AFF4: variants seen among roughly 807,000 people sequenced by gnomAD.
The protein encoded by AFF4 is AF4/FMR2 family member 4.
AFF4 carries 13 observed loss-of-function variants against 124.8 expected under a neutral mutation model. The observed-to-expected ratio is 0.10, with a 90% confidence interval of 0.07 to 0.17. AFF4 has a LOEUF of 0.17. Ranked by LOEUF, AFF4 falls within the 10% of genes least tolerant of loss-of-function variation. AFF4 has a pLI of 1.00. For missense variants in AFF4, 1,092 were observed against 1,403.8 expected (o/e 0.78, Z 3.55); for synonymous variants, 477 against 496.1 (o/e 0.96, Z 0.51).
Position 132,937,211 on chromosome 5 carries a change from A to C in AFF4, c.-4-18T>G, listed in dbSNP as rs750104867. 7 of 1,590,120 alleles carry C rather than the reference A, an allele frequency of 4.4e-6. No homozygotes were observed. Among genetic ancestry groups the C allele is most frequent in the Non-Finnish European group, 6.0e-6 (7 of 1,163,952 alleles). ...TCATGTTGCTATGAAAAGAAACACA[A>C]TCTTTGTATCACAGAAATAAAAGGA... On this transcript the variant is annotated intron_variant, in intron 1 of 20. Coordinates refer to ENST00000265343, the MANE Select transcript of AFF4 (RefSeq NM_014423.4).
At chr5:132,890,390 C>CCCAAAGTG (rs1300272283) in intron 13 of AFF4, among the ~76,000 whole-genome samples, 1 of 151,990 alleles carries the variant, frequency 6.6e-6, no homozygotes, top group African/African-American at 2.4e-5. Flanking sequence ...CAGCCAGCCT[C>CCCAAAGTG]CCAAAGTGTT....
At chr5:132,902,509 G>T (rs375809484) in intron 6 of AFF4, 22 bp from the exon 7 acceptor site, 1 of 1,582,300 alleles carries the variant, frequency 6.3e-7, no homozygotes, top group East Asian at 2.2e-5. Flanking sequence ...AGAATGAAGT[G>T]AGCAACTAAA....
chr5:132,892,193 T>C lies in AFF4; in HGVS notation c.2608A>G (p.Lys870Glu), dbSNP rs1760277557. ...STSKQKKTEG[K>E]TSSSSKEVKE... ...ACCTCCTTGGAGCTACTGGAAGTCT[T>C]CCCTTCGGTCTTCTTCTGCTTTGAT... is the stretch of plus-strand genomic sequence containing the variant. Residue 870 changes from lysine to glutamate, a missense_variant, in exon 13 of 21, where the codon AAG becomes GAG. Transcript: ENST00000265343. 6.2e-7 allele frequency: 1 copy of C among 1,614,020 alleles called. No homozygotes were observed. Among genetic ancestry groups the C allele is most frequent in the Non-Finnish European group, 8.5e-7 (1 of 1,180,028 alleles).
Position 132,881,789 on chromosome 5 carries a change from C to T in AFF4, c.3365-603G>A, listed in dbSNP as rs1467509997. ...GCAACCCTGGTCTCCTGGGTTCAAG[C>T]GATTCTGCTGCCTCAGCCAAATATA... On this transcript the variant is annotated intron_variant, in intron 20 of 20. Transcript: ENST00000265343. Among the ~76,000 whole-genome samples the T allele has an allele frequency of 7.3e-5, 11 of 151,148 alleles. 1 individual carries two copies. The South Asian group carries it at 1.9e-3, about 26-fold the overall frequency.
At chr5:132,949,271 TC>T (rs1373854646) in intron 1 of AFF4, among the ~76,000 whole-genome samples, 13 of 150,596 alleles carry the variant, frequency 8.6e-5, no homozygotes, top group African/African-American at 3.2e-4. Flanking sequence ...TGTTTCAAAT[TC>T]TTTGGCTCAA....
chr5:132,954,325 C>T (rs1371473068), intron 1 of AFF4, among the ~76,000 whole-genome samples: 1 of 152,222 alleles, frequency 6.6e-6, no homozygotes, highest in Non-Finnish European at 1.5e-5. Context: ...ATTGACACGG[C>T]AGAGTTCCCT....
chr5:132,881,400 T>C (rs1759974928), intron 20 of AFF4, among the ~76,000 whole-genome samples: 1 of 152,230 alleles, frequency 6.6e-6, no homozygotes, highest in Non-Finnish European at 1.5e-5. Context: ...ACAGAATGTA[T>C]GGTCAGAAAT....
intron 5 of AFF4, among the ~76,000 whole-genome samples, chr5:132,908,560 T>G (rs954619912): frequency 6.6e-6 from 1 of 151,880 alleles, no homozygotes; most frequent in African/African-American, 2.4e-5. Flanking sequence ...TTTATTATTT[T>G]TAGCAAATAG....
At chr5:132,895,645 G>A (rs1581277127) in intron 11 of AFF4, among the ~76,000 whole-genome samples, 1 of 152,178 alleles carries the variant, frequency 6.6e-6, no homozygotes, top group African/African-American at 2.4e-5. Flanking sequence ...GAAAAGATCA[G>A]GCTGTTTTTC....
intron 5 of AFF4, among the ~76,000 whole-genome samples, chr5:132,908,062 T>TA (rs1760709652): frequency 6.6e-6 from 1 of 151,806 alleles, no homozygotes; most frequent in African/African-American, 2.4e-5. Flanking sequence ...AAAATGAGGT[T>TA]ACTGGAGTAG....
Position 132,875,524 on chromosome 5 carries a change from G to A in AFF4, c.*5535C>T, listed in dbSNP as rs1333736157. 1.1e-5 allele frequency: 2 copies of A among 189,436 alleles called. No individual in the cohort carries two copies. Among genetic ancestry groups the A allele is most frequent in the Non-Finnish European group, 2.2e-5 (2 of 89,944 alleles). 11.7% of individuals were successfully genotyped at this position (189,436 alleles called of 1,614,324 possible). On this transcript the variant is annotated 3_prime_UTR_variant, in exon 21 of 21. Transcript: ENST00000265343. Reference sequence around the variant, plus strand: ...TTACAAATTGAAATGTGATACCCTTGTCTCCAAATATTTTAATTGCCATAA... The same window carrying A: ...TTACAAATTGAAATGTGATACCCTTATCTCCAAATATTTTAATTGCCATAA...
Position 132,952,373 on chromosome 5 carries a change from A to G in AFF4, c.-5+10886T>C, listed in dbSNP as rs571514532. Among the ~76,000 whole-genome samples, 87 of 152,320 alleles carry G rather than the reference A, an allele frequency of 5.7e-4. 1 individual carries two copies. The highest frequency in any genetic ancestry group is 1.5e-4 in the Non-Finnish European group (10 of 68,034). Reference sequence around the variant, plus strand: ...ACTTCCATATTGCTAAATTCAACAGATATTTTATCATTTTACTTGACTTAC... The same window carrying G: ...ACTTCCATATTGCTAAATTCAACAGGTATTTTATCATTTTACTTGACTTAC... On this transcript the variant is annotated intron_variant, in intron 1 of 20. Transcript: ENST00000265343.
chr5:132,916,912 C>T (rs1015293245), intron 5 of AFF4, among the ~76,000 whole-genome samples: 6 of 151,848 alleles, frequency 4.0e-5, no homozygotes, highest in African/African-American at 9.7e-5. Context: ...ATTTAACCAA[C>T]GTTTTTTGTT....
chr5:132,916,763 C>T (rs2150085845), intron 5 of AFF4, among the ~76,000 whole-genome samples: 1 of 152,116 alleles, frequency 6.6e-6, no homozygotes, highest in South Asian at 2.1e-4. Flanking sequence ...AAGAAGGGAA[C>T]AATACAGACC....
At chr5:132,935,681 GAAT>G (rs1169103212) in intron 2 of AFF4, among the ~76,000 whole-genome samples, 7 of 151,770 alleles carry the variant, frequency 4.6e-5, no homozygotes, top group African/African-American at 1.7e-4. Flanking sequence ...TGAGGCAGGA[GAAT>G]CGCTTGAACC....
rs528600653 is a variant in AFF4, at chr5:132,921,957, T to A, written c.1050+5164A>T. Among the ~76,000 whole-genome samples the A allele has an allele frequency of 5.4e-3, 826 of 152,124 alleles. 4 individuals carry two copies. Among genetic ancestry groups the A allele is most frequent in the Middle Eastern group, 0.027 (8 of 294 alleles). ...CACCATGCCTGGGTAATTTTTTTTT[T>A]AATTTTTTGTGGAGACAGAGTCTCA... is the stretch of plus-strand genomic sequence containing the variant. On this transcript the variant is annotated intron_variant, in intron 5 of 20. Transcript: ENST00000265343.
At chr5:132,907,924 T>C (rs1760706420) in intron 5 of AFF4, among the ~76,000 whole-genome samples, 3 of 152,042 alleles carry the variant, frequency 2.0e-5, no homozygotes, top group East Asian at 1.9e-4. Context: ...ATAGACCATA[T>C]TAAAGACCTG....
Position 132,879,746 on chromosome 5 carries a change from C to G in AFF4, c.*1313G>C, listed in dbSNP as rs1228338467. 1.8e-5 allele frequency: 4 copies of G among 218,912 alleles called. No individual in the cohort carries two copies. Among genetic ancestry groups the G allele is most frequent in the Non-Finnish European group, 1.8e-5 (2 of 108,922 alleles). 13.6% of individuals were successfully genotyped at this position (218,912 alleles called of 1,614,324 possible). A position where few individuals can be genotyped will look rare whatever the true frequency, so the allele number is the denominator to read the frequency against. ...GCAAAAGGTACTTTGATATACAACT[C>G]TTACAGAGCCAGCTTCTTTAAGCTC... On this transcript the variant is annotated 3_prime_UTR_variant, in exon 21 of 21. Transcript: ENST00000265343.
At chr5:132,959,179 G>A (rs1226265109) in intron 1 of AFF4, among the ~76,000 whole-genome samples, 1 of 149,868 alleles carries the variant, frequency 6.7e-6, no homozygotes, top group East Asian at 2.0e-4. Context: ...AGGCTGGAGT[G>A]CAGTGGTGCG....
Sources: gnomAD v4.1 joint callset for allele counts (sites outside exome capture counted in the v4.1 genomes callset) on GRCh38, gnomAD v4.1.1 for gene constraint, MANE v1.5 for transcripts, NCBI Gene and HGNC (gene_info 2026-07-23, HGNC 2026-07-21) for gene names.